The following GULP1 variants were observed in gnomAD, a reference collection of about 807,000 sequenced individuals.
GULP1 encodes the protein GULP PTB domain containing engulfment adaptor 1.
A neutral mutation model predicts 40.9 loss-of-function variants in GULP1; 19 were observed. The observed-to-expected ratio is 0.46, with a 90% CI of 0.32 to 0.68. GULP1 has a LOEUF of 0.68. Among genes scored for constraint, GULP1 ranks in the 30% least tolerant of loss-of-function variants. The probability of loss-of-function intolerance (pLI) is 0.03; values close to 1 mark genes in which losing one functional copy is unlikely to be tolerated. For missense variants in GULP1, 312 were observed against 362.2 expected, an observed-to-expected ratio of 0.86 and a Z score of 1.12; for synonymous variants, 119 against 117.6, an observed-to-expected ratio of 1.01 and a Z score of -0.08.
chr2:188,322,188 A>G (rs75295076), intron 1 of GULP1, among the ~76,000 whole-genome samples: 1,637 of 152,242 alleles, frequency 0.011, 13 homozygotes, highest in Non-Finnish European at 0.018. Flanking sequence ...CATCAACAAC[A>G]TGATCAAAAA....
At chr2:188,369,615 C>A (rs1405627724) in intron 1 of GULP1, among the ~76,000 whole-genome samples, 1 of 152,018 alleles carries the variant, frequency 6.6e-6, no homozygotes, top group Non-Finnish European at 1.5e-5. Flanking sequence ...TCATATTTTT[C>A]TTGCTGCCAC....
At chr2:188,407,458 A>G (rs1349219186) in intron 2 of GULP1, among the ~76,000 whole-genome samples, 2 of 152,236 alleles carry the variant, frequency 1.3e-5, no homozygotes, top group Non-Finnish European at 2.9e-5. Flanking sequence ...ATAATTATTT[A>G]AGGATTACAC....
At chr2:188,490,671 G>C (rs1456678702) in intron 4 of GULP1, among the ~76,000 whole-genome samples, 1 of 151,876 alleles carries the variant, frequency 6.6e-6, no homozygotes, top group Admixed American at 6.6e-5. Flanking sequence ...AAAATGCTTT[G>C]GTGTTATCTA....
Position 188,569,373 on chromosome 2 carries a change from G to C in GULP1, c.516+18G>C, listed in dbSNP as rs201656072. On this transcript the variant is annotated intron_variant, in intron 8 of 11. Coordinates refer to ENST00000409830, the MANE Select transcript of GULP1 (RefSeq NM_016315.4). ...AAAAAAGAGTGAGTAAACTAAGCTT[G>C]TTGTTTTACATTTGTGTGATGTAAG... 8.5e-7 allele frequency: 1 copy of C among 1,178,556 alleles called. No individual in the cohort carries two copies. Among genetic ancestry groups the C allele is most frequent in the South Asian group, 1.2e-5 (1 of 82,390 alleles). The allele number at this position is 1,178,556 out of a possible 1,614,324, so 73.0% of individuals were successfully genotyped here.
rs1210940867 is a variant in GULP1 at position 188,581,640 on chromosome 2, C to A, written c.610-2625C>A. ...ACACTGCTTGCTTGTTATTCATTAT[C>A]TCTCTGATTTATTTGAGATCCTTGT... is the stretch of plus-strand genomic sequence containing the variant. On this transcript the variant is annotated intron_variant, in intron 9 of 11. Transcript: ENST00000409830. Among the ~76,000 whole-genome samples, 3 of 152,082 alleles carry A rather than the reference C, an allele frequency of 2.0e-5. No individual in the cohort carries two copies. In the East Asian group the frequency reaches 5.8e-4, roughly 29 times the overall value.
At chr2:188,568,679 T>C (rs1698357436) in intron 7 of GULP1, among the ~76,000 whole-genome samples, 1 of 152,150 alleles carries the variant, frequency 6.6e-6, no homozygotes, top group South Asian at 2.1e-4. Flanking sequence ...TTGGAATTGC[T>C]CACTTCCACC....
intron 4 of GULP1, among the ~76,000 whole-genome samples, chr2:188,501,898 G>C (rs1024830518): frequency 1.3e-5 from 2 of 151,852 alleles, no homozygotes; most frequent in African/African-American, 4.8e-5. Context: ...TATCAGCCAG[G>C]CAGGCTGTCT....
chr2:188,386,903 C>G (rs1435124153), intron 2 of GULP1, among the ~76,000 whole-genome samples: 1 of 152,018 alleles, frequency 6.6e-6, no homozygotes, highest in Non-Finnish European at 1.5e-5. Flanking sequence ...CACATCTATT[C>G]AGCAATATAT....
At chr2:188,468,920 T>C (rs2060355711) in intron 2 of GULP1, among the ~76,000 whole-genome samples, 1 of 152,098 alleles carries the variant, frequency 6.6e-6, no homozygotes, top group Non-Finnish European at 1.5e-5. Context: ...TGTTTTGTTT[T>C]AGGGAATAGT....
chr2:188,557,990 A>G (rs1387892208), intron 7 of GULP1, among the ~76,000 whole-genome samples: 2 of 152,088 alleles, frequency 1.3e-5, no homozygotes, highest in Non-Finnish European at 2.9e-5. Context: ...CTTCCCTCCT[A>G]GGAAGCCTGC....
intron 2 of GULP1, among the ~76,000 whole-genome samples, chr2:188,403,184 A>G (rs1018971359): frequency 2.6e-5 from 4 of 152,116 alleles, no homozygotes; most frequent in Admixed American, 2.0e-4. Context: ...TTTGTACCCT[A>G]AGTCTCTCAT....
At chr2:188,482,441 T>C (rs1056611643) in intron 3 of GULP1, among the ~76,000 whole-genome samples, 3 of 151,870 alleles carry the variant, frequency 2.0e-5, no homozygotes, top group African/African-American at 7.2e-5. Context: ...GATTTTGTTC[T>C]ATTTATAATA....
chr2:188,479,427 C>T (rs561832951), intron 3 of GULP1, among the ~76,000 whole-genome samples: 2 of 152,148 alleles, frequency 1.3e-5, no homozygotes. Flanking sequence ...TAAATAATTA[C>T]ATGATATATT....
At chr2:188,450,616 G>A (rs964006405) in intron 2 of GULP1, among the ~76,000 whole-genome samples, 1 of 151,892 alleles carries the variant, frequency 6.6e-6, no homozygotes, top group Admixed American at 6.6e-5. Context: ...CACTCAGTGG[G>A]CCACGATGAA....
At chr2:188,457,220 T>C (rs2059341081) in intron 2 of GULP1, among the ~76,000 whole-genome samples, 1 of 152,154 alleles carries the variant, frequency 6.6e-6, no homozygotes. Context: ...TGATTGGTTT[T>C]GAAATGTGAG....
intron 2 of GULP1, among the ~76,000 whole-genome samples, chr2:188,449,760 A>G (rs893260009): frequency 1.3e-5 from 2 of 152,232 alleles, no homozygotes; most frequent in Non-Finnish European, 2.9e-5. Context: ...ATGCATTGAA[A>G]AGATTGTATG....
intron 1 of GULP1, among the ~76,000 whole-genome samples, chr2:188,379,930 C>G (rs1315660492): frequency 6.6e-6 from 1 of 152,162 alleles, no homozygotes; most frequent in Non-Finnish European, 1.5e-5. Flanking sequence ...TGAGTCTTAT[C>G]TCTTTGAGGA....
At chr2:188,418,792 TATAGC>T (rs1270997223) in intron 2 of GULP1, among the ~76,000 whole-genome samples, 32 of 152,242 alleles carry the variant, frequency 2.1e-4, no homozygotes, top group Admixed American at 1.0e-3. Flanking sequence ...TATTGTTGAC[TATAGC>T]TACAATGTTG....
intron 4 of GULP1, chr2:188,491,339 CACTAAAATCAGCATATAAGTG>C (rs1210736637): frequency 4.6e-5 from 7 of 151,750 alleles, no homozygotes; most frequent in Admixed American, 3.9e-4. Context: ...TTTGATGAGC[CACTAAAATCAGCATATAAGTG>C]ACTAAAATCA....
Sources: allele counts gnomAD v4.1 joint callset (sites outside exome capture counted in the v4.1 genomes callset), GRCh38; gene constraint gnomAD v4.1.1; transcripts MANE v1.5; gene names NCBI Gene and HGNC (gene_info 2026-07-23, HGNC 2026-07-21).